The following TBC1D31 variants were observed in gnomAD, a reference collection of about 807,000 sequenced individuals.
TBC1D31 encodes WD repeat domain 67.
TBC1D31 carries 99 observed loss-of-function variants against 132.9 expected under a neutral mutation model. The observed-to-expected ratio is 0.74, with a 90% CI of 0.63 to 0.88. The LOEUF (loss-of-function observed/expected upper bound fraction) is 0.88. TBC1D31 is among the 40% of genes least tolerant of loss of function. The pLI is 0.00. For synonymous variants in TBC1D31, 385 were observed against 419.4 expected (o/e 0.92, Z 1.00); for missense variants, 1,134 against 1,256.6 (o/e 0.90, Z 1.48).
Position 123,082,718 on chromosome 8 carries a change from C to T in TBC1D31, c.241C>T (p.Arg81Ter), listed in dbSNP as rs1426060652. Residue 81 changes from arginine to a stop codon, truncating the protein, a stop_gained, in exon 3 of 22, where the codon CGA (arginine) becomes TGA (stop). Coordinates refer to ENST00000287380, the MANE Select transcript of TBC1D31 (RefSeq NM_145647.4). LOFTEE classifies it high-confidence loss of function. Reference sequence around the variant, plus strand: ...TCTTAATAGGTTCAATCTTGTTCAGCGAACAGCACAAGCTTGCACAGCTCT... The same window carrying T: ...TCTTAATAGGTTCAATCTTGTTCAGTGAACAGCACAAGCTTGCACAGCTCT... ...LHGNRFNLVQ[R>*]TAQACTALAF... 1.6e-5 allele frequency: 25 copies of T among 1,609,114 alleles called. No homozygotes were observed. Among genetic ancestry groups the T allele is most frequent in the Non-Finnish European group, 2.0e-5 (23 of 1,178,532 alleles).
rs150160562 is a variant in TBC1D31, at chr8:123,081,258, C to A, written c.225-1444C>A. On this transcript the variant is annotated intron_variant, in intron 2 of 21. Coordinates refer to ENST00000287380, the MANE Select transcript of TBC1D31 (RefSeq NM_145647.4). ...CCAGACATCTTTCTTTGGCTTACTTCCTTCCATATTTCAGGTACTCTTTTC... is the reference window on the plus strand; with the variant it reads ...CCAGACATCTTTCTTTGGCTTACTTACTTCCATATTTCAGGTACTCTTTTC... 3.5e-3 allele frequency among the ~76,000 whole-genome samples: 529 copies of A among 152,278 alleles called. 3 individuals are homozygous for A. Among genetic ancestry groups the A allele is most frequent in the African/African-American group, 0.012 (515 of 41,566 alleles).
chr8:123,100,088 G>A (rs1237079504), intron 6 of TBC1D31, among the ~76,000 whole-genome samples: 2 of 152,104 alleles, frequency 1.3e-5, no homozygotes, highest in Non-Finnish European at 2.9e-5. Flanking sequence ...TGCTGTTGGA[G>A]AGACGCATTC....
chr8:123,127,340 G>A (rs1235371427), intron 13 of TBC1D31, among the ~76,000 whole-genome samples: 3 of 123,626 alleles, frequency 2.4e-5, no homozygotes, highest in Admixed American at 1.1e-4. Flanking sequence ...GCACAGTCCC[G>A]GTTCACTGCA....
In TBC1D31 at chr8:123,140,800, C is replaced by A. The variant is rs763066093; in HGVS notation, c.2539C>A (p.Arg847=). The A allele has an allele frequency of 6.2e-7, 1 of 1,609,502 alleles. No individual in the cohort carries two copies. The highest frequency in any genetic ancestry group is 1.1e-5 in the South Asian group (1 of 90,096). The part of the protein sequence containing the change: ...ENQEALAKEM[R]ADADAYRRKV... ...TCAAGAAGCTCTTGCAAAAGAAATG[C>A]GAGCAGATGCAGATGCCTATAGACG... Residue 847 remains arginine (R), a synonymous_variant, in exon 18 of 22, where the codon CGA becomes AGA. Transcript: ENST00000287380.
chr8:123,131,808 G>A (rs1241396630), intron 16 of TBC1D31, among the ~76,000 whole-genome samples: 2 of 152,098 alleles, frequency 1.3e-5, no homozygotes, highest in East Asian at 3.8e-4. Context: ...ATAGTCAATT[G>A]TACTGCATCA....
Position 123,084,235 on chromosome 8 carries a change from G to A in TBC1D31, c.414G>A (p.Gly138=), listed in dbSNP as rs753992592. The change falls in exon 4 of 22, where the codon GGG becomes GGA. Residue 138 remains glycine, a synonymous_variant. Transcript: ENST00000287380. ...SVFSISVHAS[G]KYAITTSSDT... is the part of the protein sequence containing the mutation. ...TTTCGATCTCTGTGCATGCATCAGG[G>A]AAATATGCCATCACAACTTCTTCTG... The A allele has an allele frequency of 1.2e-6, 2 of 1,614,172 alleles. No homozygotes were observed. Among genetic ancestry groups the A allele is most frequent in the Non-Finnish European group, 1.7e-6 (2 of 1,180,006 alleles).
Position 123,072,749 on chromosome 8 carries a change from C to T in TBC1D31, c.-21C>T, listed in dbSNP as rs113486768. The T allele has an allele frequency of 3.2e-6, 5 of 1,552,522 alleles. No individual in the cohort carries two copies. Among genetic ancestry groups the T allele is most frequent in the Non-Finnish European group, 4.4e-6 (5 of 1,148,000 alleles). On this transcript the variant is annotated 5_prime_UTR_variant, in exon 1 of 22. Transcript: ENST00000287380. ...GGACGGTTACCCAGCGGGCCGCCGG[C>T]GGTCGTGGGCAAGCTTCGCCATGCA...
chr8:123,117,050 C>A (rs1322674698), intron 10 of TBC1D31, among the ~76,000 whole-genome samples: 1 of 152,184 alleles, frequency 6.6e-6, no homozygotes, highest in African/African-American at 2.4e-5. Context: ...CACGGTGGCT[C>A]ACGCCTGCAA....
At chr8:123,152,735 G>A (rs1340465094), downstream of TBC1D31, among the ~76,000 whole-genome samples, 34 of 152,140 alleles carry the variant, frequency 2.2e-4, no homozygotes, top group Admixed American at 2.2e-3. Flanking sequence ...GCCGAGTGTG[G>A]TGGCACATGC....
intron 6 of TBC1D31, among the ~76,000 whole-genome samples, chr8:123,099,387 T>C (rs1398368504): frequency 6.6e-6 from 1 of 152,206 alleles, no homozygotes; most frequent in African/African-American, 2.4e-5. Context: ...CCCAAAGTGC[T>C]GGGATTACAG....
chr8:123,120,079 G>A lies in TBC1D31; in HGVS notation c.1461G>A (p.Trp487Ter). ...LQRTLSALAH[W>*]SVIFSDTPYL... ...GAACCTTATCTGCATTAGCTCACTGGTCTGTCATTTTTAGTGACACACCAT... is the reference window on the plus strand; with the variant it reads ...GAACCTTATCTGCATTAGCTCACTGATCTGTCATTTTTAGTGACACACCAT... The change falls in exon 11 of 22, where the codon TGG becomes TGA. Residue 487 changes from tryptophan (W) to a stop codon, truncating the protein, a stop_gained. Transcript: ENST00000287380. LOFTEE classifies it high-confidence loss of function. The A allele has an allele frequency of 6.2e-7, 1 of 1,606,652 alleles. No homozygotes were observed. Among genetic ancestry groups the A allele is most frequent in the Non-Finnish European group, 8.5e-7 (1 of 1,177,532 alleles).
At position 123,140,798 on chromosome 8, in the gene TBC1D31, T is replaced by C. The variant is rs1295338787; in HGVS notation, c.2537T>C (p.Met846Thr). The change falls in exon 18 of 22, where the codon ATG becomes ACG. Residue 846 changes from methionine to threonine, a missense_variant. Met to Thr is a moderately conservative substitution (Grantham distance 81, BLOSUM62 -1). Coordinates refer to ENST00000287380, the MANE Select transcript of TBC1D31 (RefSeq NM_145647.4). ...TENQEALAKE[M>T]RADADAYRRK... Reference sequence around the variant, plus strand: ...AATCAAGAAGCTCTTGCAAAAGAAATGCGAGCAGATGCAGATGCCTATAGA... The same window carrying C: ...AATCAAGAAGCTCTTGCAAAAGAAACGCGAGCAGATGCAGATGCCTATAGA... 6.2e-7 allele frequency: 1 copy of C among 1,609,780 alleles called. No homozygotes were observed.
chr8:123,126,508 C>G lies in TBC1D31; in HGVS notation c.1705C>G (p.Leu569Val). ...HFIDHDITSQ[L>V]YAWPLLETVF... The stretch of plus-strand genomic sequence containing the variant: ...ATAAATTTTTCCTTATCTGTTTTAG[C>G]TATATGCATGGCCTCTTCTTGAAAC... The change falls in exon 13 of 22, where the codon CTA (leucine) becomes GTA (valine). Residue 569 changes from leucine (L) to valine (V), a missense_variant and splice_region_variant. Transcript: ENST00000287380. The G allele has an allele frequency of 6.2e-7, 1 of 1,612,736 alleles. No homozygotes were observed. Among genetic ancestry groups the G allele is most frequent in the South Asian group, 1.1e-5 (1 of 90,700 alleles).
chr8:123,101,094 C>T, intron 7 of TBC1D31, 87 bp downstream of exon 7: 1 of 1,013,622 alleles, frequency 9.9e-7, no homozygotes, highest in East Asian at 2.6e-5. Flanking sequence ...GCTACTATTT[C>T]TAACTTACCT....
intron 19 of TBC1D31, among the ~76,000 whole-genome samples, chr8:123,143,017 A>G (rs1002258488): frequency 6.6e-6 from 1 of 152,172 alleles, no homozygotes; most frequent in Admixed American, 6.5e-5. Flanking sequence ...TGTGGCTCCA[A>G]GGTTATCAGG....
intron 11 of TBC1D31, 106 bp from the exon 12 acceptor site, chr8:123,125,950 A>T (rs116469293): frequency 1.3e-6 from 1 of 764,016 alleles, no homozygotes; most frequent in African/African-American, 1.8e-5. Flanking sequence ...TTTATTATTC[A>T]TGGACATATT....
downstream of TBC1D31, among the ~76,000 whole-genome samples, chr8:123,156,958 C>G (rs552603240): frequency 6.6e-6 from 1 of 152,234 alleles, no homozygotes; most frequent in Admixed American, 6.5e-5. Flanking sequence ...CCTCCTCCCC[C>G]CCGCGACGGC....
intron 2 of TBC1D31, among the ~76,000 whole-genome samples, chr8:123,079,626 C>T (rs917640807): frequency 6.6e-6 from 1 of 152,178 alleles, no homozygotes; most frequent in Non-Finnish European, 1.5e-5. Context: ...ATCGAGGACT[C>T]TTTGCACTTC....
chr8:123,104,720 T>C (rs183514771), intron 7 of TBC1D31, among the ~76,000 whole-genome samples: 1 of 152,278 alleles, frequency 6.6e-6, no homozygotes, highest in Admixed American at 6.5e-5. Flanking sequence ...AATGAAGGTA[T>C]AGGTTCTAAG....
Sources: gnomAD v4.1 joint callset for allele counts (sites outside exome capture counted in the v4.1 genomes callset) on GRCh38, gnomAD v4.1.1 for gene constraint, MANE v1.5 for transcripts, NCBI Gene and HGNC (gene_info 2026-07-23, HGNC 2026-07-21) for gene names.